CNTN3: variants seen among roughly 807,000 people sequenced by gnomAD.
The protein encoded by CNTN3 is contactin-3.
Under a neutral mutation model 119.1 loss-of-function variants are expected in CNTN3, and 60 were observed. The ratio of observed to expected loss-of-function variants is 0.50; its 90% CI spans 0.41 to 0.62. CNTN3 has a LOEUF of 0.62. Ranked by LOEUF, CNTN3 falls within the 20% of genes least tolerant of loss-of-function variation. The pLI is 0.00. For synonymous variants in CNTN3, 450 were observed against 438.7 expected, an observed-to-expected ratio of 1.03 and a Z score of -0.32; for missense variants, 1,101 against 1,242.4, an observed-to-expected ratio of 0.89 and a Z score of 1.71.
intron 5 of CNTN3, among the ~76,000 whole-genome samples, chr3:74,398,962 C>T (rs773907030): frequency 2.0e-5 from 3 of 152,066 alleles, no homozygotes; most frequent in Admixed American, 6.6e-5. Flanking sequence ...GTTTAGTGAT[C>T]GGATCAAGAT....
chr3:74,415,054 C>T (rs1022248643), intron 5 of CNTN3, among the ~76,000 whole-genome samples: 4 of 152,030 alleles, frequency 2.6e-5, no homozygotes, highest in African/African-American at 7.3e-5. Context: ...CACTATCTCT[C>T]GAACAGTAGA....
intron 11 of CNTN3, among the ~76,000 whole-genome samples, chr3:74,341,725 A>T (rs1186852955): frequency 6.6e-6 from 1 of 152,152 alleles, no homozygotes; most frequent in East Asian, 1.9e-4. Context: ...TTGTTTGTTC[A>T]TAAAGTATAC....
At position 74,269,194 on chromosome 3, in the gene CNTN3, A is replaced by G. The variant is rs1701720006; in HGVS notation, c.2705-1816T>C. Among the ~76,000 whole-genome samples, 4 of 152,158 alleles carry G rather than the reference A, an allele frequency of 2.6e-5. No homozygotes were observed. The South Asian group carries it at 8.3e-4, about 32-fold the overall frequency. On this transcript the variant is annotated intron_variant, in intron 20 of 22. Transcript: ENST00000263665. ...CTATTTAAAAAAATAACTTGGTTTA[A>G]GAAAAATTAAACATCTATTTTACCT...
chr3:74,338,733 G>A (rs544284414), intron 11 of CNTN3, among the ~76,000 whole-genome samples: 4 of 152,070 alleles, frequency 2.6e-5, no homozygotes, highest in African/African-American at 9.7e-5. Context: ...TTATGCATAT[G>A]ATTTTTTTAA....
At chr3:74,379,902 A>G (rs1704573285) in intron 5 of CNTN3, among the ~76,000 whole-genome samples, 2 of 152,202 alleles carry the variant, frequency 1.3e-5, no homozygotes, top group South Asian at 4.1e-4. Flanking sequence ...TTAAATTTTC[A>G]CAGCAGAGAA....
intron 4 of CNTN3, among the ~76,000 whole-genome samples, chr3:74,475,456 G>C (rs1349652558): frequency 6.6e-6 from 1 of 152,134 alleles, no homozygotes; most frequent in Non-Finnish European, 1.5e-5. Flanking sequence ...CATGTGGAAA[G>C]AAGAGATGAG....
At chr3:74,588,391 C>A (rs763391051) in intron 1 of CNTN3, among the ~76,000 whole-genome samples, 1 of 152,022 alleles carries the variant, frequency 6.6e-6, no homozygotes, top group African/African-American at 2.4e-5. Flanking sequence ...AGGAATCCAA[C>A]GTACAAGGGA....
chr3:74,547,532 C>CT (rs1703932827), intron 1 of CNTN3, among the ~76,000 whole-genome samples: 1 of 152,122 alleles, frequency 6.6e-6, no homozygotes, highest in South Asian at 2.1e-4. Context: ...AATGTTATCA[C>CT]TTTTTTACTT....
chr3:74,291,600 C>T (rs1403726007), intron 19 of CNTN3, among the ~76,000 whole-genome samples: 1 of 152,106 alleles, frequency 6.6e-6, no homozygotes, highest in African/African-American at 2.4e-5. Flanking sequence ...AGGATGGTCT[C>T]GATCTCCTGA....
At chr3:74,571,027 CAATAG>C (rs1179695650) in intron 1 of CNTN3, among the ~76,000 whole-genome samples, 3 of 152,074 alleles carry the variant, frequency 2.0e-5, no homozygotes, top group African/African-American at 7.2e-5. Context: ...AAGTATAATA[CAATAG>C]AATAGAACCA....
chr3:74,505,538 A>AC (rs1347316717), intron 2 of CNTN3, among the ~76,000 whole-genome samples: 9 of 148,452 alleles, frequency 6.1e-5, no homozygotes, highest in African/African-American at 1.0e-4. Context: ...ACATACACAC[A>AC]ATATGTTACA....
intron 13 of CNTN3, among the ~76,000 whole-genome samples, chr3:74,316,105 C>A (rs1396700988): frequency 1.3e-5 from 2 of 152,070 alleles, no homozygotes; most frequent in Non-Finnish European, 2.9e-5. Flanking sequence ...CAATAAATGT[C>A]TAAGATTCAG....
intron 5 of CNTN3, among the ~76,000 whole-genome samples, chr3:74,414,244 G>T (rs1701484332): frequency 6.6e-6 from 1 of 152,058 alleles, no homozygotes; most frequent in African/African-American, 2.4e-5. Flanking sequence ...GACAGCTAAA[G>T]TTCAGGGAAA....
intron 3 of CNTN3, 118 bp from the exon 4 acceptor site, chr3:74,486,749 A>G (rs1702867187): frequency 1.2e-6 from 1 of 805,732 alleles, no homozygotes; most frequent in Admixed American, 3.4e-5. Flanking sequence ...TACATATATT[A>G]TTCAAGTGTT....
chr3:74,308,430 C>T (rs115328910), intron 13 of CNTN3, among the ~76,000 whole-genome samples: 1,652 of 152,282 alleles, frequency 0.011, 14 homozygotes, highest in Middle Eastern at 0.02. Context: ...GGAATAATTG[C>T]TCCATTACAG....
chr3:74,353,344 C>G (rs1703858304), intron 11 of CNTN3, among the ~76,000 whole-genome samples: 1 of 152,210 alleles, frequency 6.6e-6, no homozygotes, highest in Non-Finnish European at 1.5e-5. Flanking sequence ...CATCACATTA[C>G]TCAGTGCTTC....
intron 11 of CNTN3, among the ~76,000 whole-genome samples, chr3:74,341,040 G>A (rs1022698872): frequency 1.3e-5 from 2 of 152,120 alleles, no homozygotes; most frequent in Non-Finnish European, 2.9e-5. Context: ...ATGTTGAAAT[G>A]AGACAAAACC....
chr3:74,333,472 C>T (rs1485155093), intron 13 of CNTN3, among the ~76,000 whole-genome samples: 26 of 152,196 alleles, frequency 1.7e-4, no homozygotes, highest in Admixed American at 1.6e-3. Flanking sequence ...CACCTCTGTT[C>T]TGGGCCTTCA....
At position 74,600,097 on chromosome 3, in the gene CNTN3, A is replaced by G. The variant is rs899705172; in HGVS notation, c.-81+14294T>C. ...AAGTGAGGAAGAAAAAAGAGAAGGA[A>G]AAATGAATTAATCATATGTGGGATA... On this transcript the variant is annotated intron_variant, in intron 1 of 22. Transcript: ENST00000263665. Among the ~76,000 whole-genome samples, 4 of 152,114 alleles carry G rather than the reference A, an allele frequency of 2.6e-5. No homozygotes were observed. In the South Asian group the frequency reaches 6.2e-4, roughly 24 times the overall value.
Sources: allele counts gnomAD v4.1 joint callset (sites outside exome capture counted in the v4.1 genomes callset), GRCh38; gene constraint gnomAD v4.1.1; transcripts MANE v1.5; gene names NCBI Gene and HGNC (gene_info 2026-07-23, HGNC 2026-07-21).